The following TTC28 variants were observed in gnomAD, a reference collection of about 807,000 sequenced individuals.
TTC28 encodes the protein tetratricopeptide repeat protein 28.
TTC28 carries 61 observed loss-of-function variants against 198.0 expected under a neutral mutation model. That is an observed-to-expected ratio of 0.31 (90% confidence interval 0.25 to 0.38). The LOEUF is 0.38. Ranked by LOEUF, TTC28 falls within the 10% of genes least tolerant of loss-of-function variation. The pLI, the probability that TTC28 is intolerant of heterozygous loss-of-function variation, is 1.00. For missense variants in TTC28, 2,678 were observed against 3,164.0 expected (o/e 0.85, Z 3.69); for synonymous variants, 1,171 against 1,297.8 (o/e 0.90, Z 2.10).
intron 1 of TTC28, among the ~76,000 whole-genome samples, chr22:28,649,738 A>G (rs2051536083): frequency 6.6e-6 from 1 of 152,232 alleles, no homozygotes; most frequent in Non-Finnish European, 1.5e-5. Flanking sequence ...TTGTTCAGTT[A>G]TAATGACAGA....
At chr22:28,227,826 C>T (rs1329783401) in intron 5 of TTC28, among the ~76,000 whole-genome samples, 2 of 152,006 alleles carry the variant, frequency 1.3e-5, no homozygotes, top group Non-Finnish European at 2.9e-5. Flanking sequence ...CAAAAAGTTA[C>T]CTATAGAATT....
At chr22:28,121,768 C>T (rs1942793161) in intron 6 of TTC28, among the ~76,000 whole-genome samples, 1 of 152,338 alleles carries the variant, frequency 6.6e-6, no homozygotes, top group South Asian at 2.1e-4. Context: ...ACCTTCCCAG[C>T]CTTTCTTACA....
At chr22:28,057,553 T>C (rs1940337793) in intron 12 of TTC28, among the ~76,000 whole-genome samples, 1 of 152,174 alleles carries the variant, frequency 6.6e-6, no homozygotes, top group Non-Finnish European at 1.5e-5. Context: ...ATATGATTTG[T>C]GGCTTGCCTA....
Position 28,355,407 on chromosome 22 carries a change from G to A in TTC28, c.382-48764C>T, listed in dbSNP as rs564317639. Among the ~76,000 whole-genome samples, 49 of 151,682 alleles carry A rather than the reference G, an allele frequency of 3.2e-4. 1 individual carries two copies. The South Asian group carries it at 0.01, about 31-fold the overall frequency. On this transcript the variant is annotated intron_variant, in intron 2 of 22. Coordinates refer to ENST00000397906, the MANE Select transcript of TTC28 (RefSeq NM_001145418.2). ...TGACCATCTCTGGTGCATCAAGGAA[G>A]GTATATCTACACAATACTTACCTTT...
At chr22:28,427,784 G>A (rs1334226627) in intron 2 of TTC28, among the ~76,000 whole-genome samples, 1 of 151,530 alleles carries the variant, frequency 6.6e-6, no homozygotes, top group East Asian at 1.9e-4. Context: ...AAAAAAAGAA[G>A]TCGAATTCAG....
At chr22:28,401,788 A>G (rs2046912636) in intron 2 of TTC28, among the ~76,000 whole-genome samples, 2 of 152,200 alleles carry the variant, frequency 1.3e-5, no homozygotes, top group South Asian at 4.1e-4. Flanking sequence ...AAATTTTTAA[A>G]TAGAAAAATT....
intron 2 of TTC28, among the ~76,000 whole-genome samples, chr22:28,524,966 C>G (rs1482657074): frequency 6.6e-6 from 1 of 152,056 alleles, no homozygotes; most frequent in African/African-American, 2.4e-5. Flanking sequence ...TATTCAAAAT[C>G]ATATTTTGTT....
intron 2 of TTC28, among the ~76,000 whole-genome samples, chr22:28,537,670 A>C (rs1010003775): frequency 2.0e-5 from 3 of 152,216 alleles, no homozygotes; most frequent in African/African-American, 7.2e-5. Context: ...TAAAAATCTA[A>C]AGTAAATTTA....
chr22:28,097,904 T>C (rs1167574524), intron 10 of TTC28, among the ~76,000 whole-genome samples: 2 of 152,220 alleles, frequency 1.3e-5, no homozygotes, highest in African/African-American at 4.8e-5. Flanking sequence ...GTGATTATAA[T>C]AGATAATAAA....
At chr22:28,519,449 C>T (rs929399762) in intron 2 of TTC28, among the ~76,000 whole-genome samples, 22 of 152,296 alleles carry the variant, frequency 1.4e-4, no homozygotes, top group Non-Finnish European at 2.6e-4. Flanking sequence ...TGCCGAAACT[C>T]TCTCTACTTA....
intron 5 of TTC28, among the ~76,000 whole-genome samples, chr22:28,269,325 C>T (rs1490549016): frequency 3.9e-5 from 6 of 152,030 alleles, no homozygotes; most frequent in African/African-American, 1.2e-4. Context: ...GTGTGCCCAA[C>T]GAGAAACATT....
At chr22:28,141,514 A>AT (rs1943333760) in intron 6 of TTC28, among the ~76,000 whole-genome samples, 1 of 152,288 alleles carries the variant, frequency 6.6e-6, no homozygotes, top group East Asian at 1.9e-4. Flanking sequence ...ATACATATAT[A>AT]CACTGCATTA....
In TTC28 at chr22:28,225,427, G is replaced by A. The variant is rs184528482; in HGVS notation, c.934-61828C>T. Among the ~76,000 whole-genome samples the A allele has an allele frequency of 9.2e-4, 139 of 151,252 alleles. 1 individual carries two copies. The highest frequency in any genetic ancestry group is 3.2e-3 in the African/African-American group (132 of 41,352). On this transcript the variant is annotated intron_variant, in intron 5 of 22. Transcript: ENST00000397906. The stretch of plus-strand genomic sequence containing the variant: ...AAAGAAGAAGAAAAGAAAAACAATG[G>A]TGCTTCAAATTTTCATTCCGTTTTC...
At chr22:28,450,011 A>G (rs1291780118) in intron 2 of TTC28, among the ~76,000 whole-genome samples, 1 of 152,192 alleles carries the variant, frequency 6.6e-6, no homozygotes, top group Non-Finnish European at 1.5e-5. Flanking sequence ...AATTCTGTTT[A>G]AGACTTGTAG....
At chr22:28,168,792 C>A (rs1318348687) in intron 5 of TTC28, among the ~76,000 whole-genome samples, 1 of 152,152 alleles carries the variant, frequency 6.6e-6, no homozygotes, top group African/African-American at 2.4e-5. Flanking sequence ...ACACCAAAAG[C>A]AATGGCAACA....
intron 5 of TTC28, among the ~76,000 whole-genome samples, chr22:28,187,479 C>T (rs958048990): frequency 6.6e-6 from 1 of 151,572 alleles, no homozygotes; most frequent in Non-Finnish European, 1.5e-5. Context: ...CTATACACAA[C>T]CACTATATAC....
intron 5 of TTC28, among the ~76,000 whole-genome samples, chr22:28,265,272 T>C (rs964618083): frequency 1.3e-5 from 2 of 152,208 alleles, no homozygotes; most frequent in African/African-American, 4.8e-5. Flanking sequence ...ACGCACACCA[T>C]GTATCCATCC....
intron 2 of TTC28, among the ~76,000 whole-genome samples, chr22:28,515,260 T>C (rs1389794269): frequency 1.3e-5 from 2 of 152,200 alleles, no homozygotes; most frequent in African/African-American, 4.8e-5. Flanking sequence ...ATTTAAAAAT[T>C]ACTATATGGT....
At chr22:28,601,567 T>C (rs1198924640) in intron 2 of TTC28, among the ~76,000 whole-genome samples, 1 of 152,152 alleles carries the variant, frequency 6.6e-6, no homozygotes, top group East Asian at 1.9e-4. Context: ...AAGACAGAAG[T>C]AGCTTATATG....
Sources: allele counts gnomAD v4.1 joint callset (sites outside exome capture counted in the v4.1 genomes callset), GRCh38; gene constraint gnomAD v4.1.1; transcripts MANE v1.5; gene names NCBI Gene and HGNC (gene_info 2026-07-23, HGNC 2026-07-21).